Variants in CNTNAP2 observed in about 807,000 individuals in gnomAD.
CNTNAP2 encodes contactin-associated protein-like 2.
A neutral mutation model predicts 155.2 loss-of-function variants in CNTNAP2; 98 were observed. The ratio of observed to expected loss-of-function variants is 0.63; its 90% confidence interval spans 0.54 to 0.75. The LOEUF (loss-of-function observed/expected upper bound fraction) is 0.75, where lower values mean the gene tolerates loss of function less well. Among genes scored for constraint, CNTNAP2 ranks in the 30% least tolerant of loss-of-function variants. The probability of loss-of-function intolerance (pLI) is 0.00; values close to 1 mark genes in which losing one functional copy is unlikely to be tolerated. For synonymous variants in CNTNAP2, 651 were observed against 631.2 expected, an observed-to-expected ratio of 1.03 and a Z score of -0.47; for missense variants, 1,727 against 1,688.1, an observed-to-expected ratio of 1.02 and a Z score of -0.40.
At chr7:148,108,974 T>A (rs1316725418) in intron 15 of CNTNAP2, among the ~76,000 whole-genome samples, 1 of 152,222 alleles carries the variant, frequency 6.6e-6, no homozygotes, top group East Asian at 1.9e-4. Context: ...TGTCAATTTA[T>A]GATTTCTAAA....
intron 1 of CNTNAP2, among the ~76,000 whole-genome samples, chr7:146,735,424 G>A (rs894392553): frequency 6.6e-5 from 10 of 152,056 alleles, no homozygotes; most frequent in East Asian, 5.8e-4. Flanking sequence ...GCGTTGTGGC[G>A]GGGGCCTGTA....
intron 8 of CNTNAP2, among the ~76,000 whole-genome samples, chr7:147,178,034 G>GA (rs1192567390): frequency 6.6e-6 from 1 of 152,102 alleles, no homozygotes; most frequent in Non-Finnish European, 1.5e-5. Flanking sequence ...GTGGAAGGCA[G>GA]AATAATGCCC....
chr7:146,303,548 G>A (rs907850348), intron 1 of CNTNAP2, among the ~76,000 whole-genome samples: 2 of 152,034 alleles, frequency 1.3e-5, no homozygotes, highest in Non-Finnish European at 2.9e-5. Flanking sequence ...TACTGGAGCA[G>A]GTTTTTCAGT....
intron 1 of CNTNAP2, among the ~76,000 whole-genome samples, chr7:146,481,229 A>G (rs933594620): frequency 1.3e-5 from 2 of 152,184 alleles, no homozygotes; most frequent in African/African-American, 2.4e-5. Flanking sequence ...GTTCTTGTTA[A>G]TCAGTCCTCA....
chr7:146,499,995 A>C (rs1797277062), intron 1 of CNTNAP2, among the ~76,000 whole-genome samples: 1 of 152,038 alleles, frequency 6.6e-6, no homozygotes, highest in South Asian at 2.1e-4. Context: ...GTAAGTAAAA[A>C]TTTTTATTAA....
chr7:146,784,054 A>C (rs902625192), intron 2 of CNTNAP2, among the ~76,000 whole-genome samples: 1 of 152,200 alleles, frequency 6.6e-6, no homozygotes, highest in Admixed American at 6.5e-5. Flanking sequence ...TAATAAGTCT[A>C]GTGATTTTTA....
At chr7:147,361,974 T>C (rs1796155073) in intron 9 of CNTNAP2, among the ~76,000 whole-genome samples, 1 of 152,210 alleles carries the variant, frequency 6.6e-6, no homozygotes, top group Non-Finnish European at 1.5e-5. Context: ...CTTCTGTGTT[T>C]GACACTGAGA....
chr7:146,425,589 G>A (rs1796076072), intron 1 of CNTNAP2, among the ~76,000 whole-genome samples: 1 of 152,162 alleles, frequency 6.6e-6, no homozygotes, highest in African/African-American at 2.4e-5. Context: ...GCTTTCCTAA[G>A]CTAAGGAGAT....
intron 1 of CNTNAP2, among the ~76,000 whole-genome samples, chr7:146,261,248 A>C (rs1799915300): frequency 6.6e-6 from 1 of 152,046 alleles, no homozygotes; most frequent in Non-Finnish European, 1.5e-5. Flanking sequence ...GCAGTGTGAG[A>C]ATGGAATAAT....
Position 147,848,462 on chromosome 7 carries a change from C to A in CNTNAP2, c.2099-55103C>A, listed in dbSNP as rs34048954. ...GCCTCGCCCTGCTTCGGCTCGCACA[C>A]GGTGCGCACACACACTGGCCTGCGC... On this transcript the variant is annotated intron_variant, in intron 13 of 23. Transcript: ENST00000361727. Among the ~76,000 whole-genome samples the A allele has an allele frequency of 3.9e-4, 59 of 150,292 alleles. 1 individual carries two copies. The highest frequency in any genetic ancestry group is 5.3e-4 in the Admixed American group (8 of 15,044).
At chr7:147,454,879 G>T (rs1043518735) in intron 10 of CNTNAP2, among the ~76,000 whole-genome samples, 3 of 152,098 alleles carry the variant, frequency 2.0e-5, no homozygotes, top group African/African-American at 4.8e-5. Context: ...CACTAGGTCT[G>T]CCAGTGCTCA....
intron 21 of CNTNAP2, among the ~76,000 whole-genome samples, chr7:148,281,888 T>C (rs911653532): frequency 6.5e-5 from 9 of 137,552 alleles, no homozygotes; most frequent in African/African-American, 2.4e-4. Flanking sequence ...CAGGTTGGAG[T>C]GCAATGGCGT....
intron 11 of CNTNAP2, among the ~76,000 whole-genome samples, chr7:147,550,806 A>G (rs900365255): frequency 1.3e-5 from 2 of 152,234 alleles, no homozygotes; most frequent in Admixed American, 1.3e-4. Flanking sequence ...ACTAACAAGT[A>G]AAGGCAGAAG....
intron 1 of CNTNAP2, among the ~76,000 whole-genome samples, chr7:146,628,141 C>G (rs1799451255): frequency 6.6e-6 from 1 of 152,130 alleles, no homozygotes; most frequent in South Asian, 2.1e-4. Flanking sequence ...GAAGTAATTT[C>G]TTAGACTGAA....
chr7:147,655,567 G>C (rs936280023), intron 13 of CNTNAP2, among the ~76,000 whole-genome samples: 9 of 152,212 alleles, frequency 5.9e-5, no homozygotes, highest in Admixed American at 2.6e-4. Flanking sequence ...CATTGTCAAT[G>C]AGCAGTAATA....
intron 1 of CNTNAP2, among the ~76,000 whole-genome samples, chr7:146,248,498 G>A (rs960382976): frequency 2.6e-5 from 4 of 152,190 alleles, no homozygotes; most frequent in African/African-American, 4.8e-5. Context: ...GACCAGCGCC[G>A]GAGTTTTGGG....
At chr7:147,590,268 T>A (rs1800712539) in intron 12 of CNTNAP2, among the ~76,000 whole-genome samples, 1 of 152,186 alleles carries the variant, frequency 6.6e-6, no homozygotes, top group East Asian at 1.9e-4. Context: ...CGTTCCAAAT[T>A]GATATGGTTT....
In CNTNAP2 at chr7:146,483,320, TATATATATAC is replaced by T. The variant is rs1797004542; in HGVS notation, c.98-290941_98-290932del. Among the ~76,000 whole-genome samples the T allele has an allele frequency of 7.0e-5, 6 of 85,656 alleles. 1 individual carries two copies. The highest frequency in any genetic ancestry group is 3.3e-4 in the African/African-American group (5 of 15,212). The allele number at this position is 85,656 out of a possible 152,430, so 56.2% of individuals were successfully genotyped here. A position where few individuals can be genotyped will look rare whatever the true frequency, so the allele number is the denominator to read the frequency against. ...ATATATATATATATATATATATATA[TATATATATAC>T]ATATATATATATTTAAGCACAGAGT... On this transcript the variant is annotated intron_variant, in intron 1 of 23. Transcript: ENST00000361727.
chr7:148,279,525 T>G (rs1027562844), intron 21 of CNTNAP2, among the ~76,000 whole-genome samples: 11 of 152,146 alleles, frequency 7.2e-5, no homozygotes, highest in African/African-American at 2.7e-4. Context: ...AACTGTGGAA[T>G]AAAAATTAAG....
Sources: allele counts gnomAD v4.1 joint callset (sites outside exome capture counted in the v4.1 genomes callset), GRCh38; gene constraint gnomAD v4.1.1; transcripts MANE v1.5; gene names NCBI Gene and HGNC (gene_info 2026-07-23, HGNC 2026-07-21).